Variants in PLCE1 observed in about 807,000 individuals in gnomAD.
The protein encoded by PLCE1 is phospholipase C epsilon 1, also known as 1-phosphatidylinositol 4,5-bisphosphate phosphodiesterase epsilon-1.
PLCE1 carries 119 observed loss-of-function variants against 242.8 expected under a neutral mutation model. The ratio of observed to expected loss-of-function variants is 0.49; its 90% CI spans 0.42 to 0.57. The LOEUF (loss-of-function observed/expected upper bound fraction) is 0.57, where lower values mean the gene tolerates loss of function less well. Ranked by LOEUF, PLCE1 falls within the 20% of genes least tolerant of loss-of-function variation. The pLI is 0.00. For missense variants in PLCE1, 2,441 were observed against 2,788.8 expected, an observed-to-expected ratio of 0.88 and a Z score of 2.81; for synonymous variants, 945 against 1,017.4, an observed-to-expected ratio of 0.93 and a Z score of 1.35.
chr10:94,273,090 A>G (rs2051809207), intron 18 of PLCE1, among the ~76,000 whole-genome samples: 1 of 152,162 alleles, frequency 6.6e-6, no homozygotes, highest in South Asian at 2.1e-4. Flanking sequence ...TCTGCTTTGG[A>G]GATCCATGCT....
intron 2 of PLCE1, among the ~76,000 whole-genome samples, chr10:94,102,051 G>A (rs181878535): frequency 8.9e-4 from 135 of 152,288 alleles, no homozygotes; most frequent in African/African-American, 2.6e-3. Flanking sequence ...GGGGGCAAAT[G>A]GGTTTTTTCT....
chr10:94,090,045 A>G (rs1199616697), intron 2 of PLCE1, among the ~76,000 whole-genome samples: 1 of 152,106 alleles, frequency 6.6e-6, no homozygotes, highest in African/African-American at 2.4e-5. Flanking sequence ...AGTTTATCTG[A>G]GTGGTCATTT....
At chr10:94,296,365 CA>C (rs35526010) in intron 23 of PLCE1, among the ~76,000 whole-genome samples, 12,797 of 89,238 alleles carry the variant, frequency 0.14, 524 homozygotes, top group East Asian at 0.28. Flanking sequence ...GACTCCATCT[CA>C]AAAAAAAAAA....
intron 1 of PLCE1, among the ~76,000 whole-genome samples, chr10:94,025,043 A>C (rs997823412): frequency 3.3e-5 from 5 of 152,052 alleles, no homozygotes; most frequent in Admixed American, 1.3e-4. Context: ...GGAAACAGGC[A>C]GTCAGGTTTC....
chr10:94,262,066 T>C (rs1052670268), intron 13 of PLCE1, among the ~76,000 whole-genome samples: 1 of 149,928 alleles, frequency 6.7e-6, no homozygotes, highest in East Asian at 2.0e-4. Flanking sequence ...AGTGGCGTAA[T>C]CTTGGCTCAC....
chr10:94,027,570 C>T (rs1253195878), intron 1 of PLCE1, among the ~76,000 whole-genome samples: 1 of 152,172 alleles, frequency 6.6e-6, no homozygotes, highest in Non-Finnish European at 1.5e-5. Flanking sequence ...GCCTGTAATT[C>T]CAGCACTTCG....
chr10:94,161,209 GC>G (rs1247664410), intron 3 of PLCE1, among the ~76,000 whole-genome samples: 1 of 152,168 alleles, frequency 6.6e-6, no homozygotes, highest in Admixed American at 6.5e-5. Flanking sequence ...GTTATTGGTA[GC>G]TTGATGGGGA....
chr10:94,145,501 G>T (rs72812702), intron 3 of PLCE1, among the ~76,000 whole-genome samples: 12 of 152,264 alleles, frequency 7.9e-5, no homozygotes, highest in Middle Eastern at 3.4e-3. Flanking sequence ...TCCAAGCCAC[G>T]TGTGTTTTTC....
chr10:94,316,093 G>C (rs1470511615), intron 28 of PLCE1, among the ~76,000 whole-genome samples: 2 of 152,156 alleles, frequency 1.3e-5, no homozygotes, highest in African/African-American at 4.8e-5. Flanking sequence ...ATTTAAAGAA[G>C]AATTCCCAGG....
chr10:94,001,476 G>T (rs967621996), intron 1 of PLCE1, among the ~76,000 whole-genome samples: 2 of 152,186 alleles, frequency 1.3e-5, no homozygotes, highest in Non-Finnish European at 2.9e-5. Flanking sequence ...CAGTAAGGCT[G>T]CTATATGTAG....
intron 3 of PLCE1, among the ~76,000 whole-genome samples, chr10:94,168,201 A>G (rs897330834): frequency 6.6e-6 from 1 of 152,194 alleles, no homozygotes; most frequent in Non-Finnish European, 1.5e-5. Flanking sequence ...AGCAAGGCCC[A>G]GAGGTGAGTT....
chr10:94,020,248 C>T (rs1259641225), intron 1 of PLCE1, among the ~76,000 whole-genome samples: 1 of 152,090 alleles, frequency 6.6e-6, no homozygotes, highest in East Asian at 1.9e-4. Context: ...TCCCTTATGA[C>T]TAATGATGTT....
chr10:94,033,994 G>A (rs1428156414), intron 2 of PLCE1, among the ~76,000 whole-genome samples: 1 of 152,130 alleles, frequency 6.6e-6, no homozygotes. Flanking sequence ...CAGAGAAAAA[G>A]AGGTTCAGTG....
chr10:94,215,139 G>A (rs147750594), intron 4 of PLCE1, among the ~76,000 whole-genome samples: 40 of 152,188 alleles, frequency 2.6e-4, no homozygotes, highest in Middle Eastern at 6.8e-3. Context: ...AGCCTTCTGA[G>A]CCTCTTGGGT....
chr10:94,135,691 G>A (rs2046748828), intron 3 of PLCE1, among the ~76,000 whole-genome samples: 1 of 152,154 alleles, frequency 6.6e-6, no homozygotes, highest in Non-Finnish European at 1.5e-5. Context: ...AAATAAAGAG[G>A]AAAACACTAT....
intron 2 of PLCE1, among the ~76,000 whole-genome samples, chr10:94,043,493 A>G (rs569092694): frequency 6.6e-6 from 1 of 152,316 alleles, no homozygotes; most frequent in South Asian, 2.1e-4. Context: ...ATTTAGCACC[A>G]AATTATAAAT....
In PLCE1 at chr10:94,046,605, C is replaced by T. The variant is rs144993529; in HGVS notation, c.1206+14353C>T. Among the ~76,000 whole-genome samples, 173 of 152,312 alleles carry T rather than the reference C, an allele frequency of 1.1e-3. 1 individual carries two copies. The East Asian group carries it at 0.02, about 18-fold the overall frequency. On this transcript the variant is annotated intron_variant, in intron 2 of 32. Coordinates refer to ENST00000371380, the MANE Select transcript of PLCE1 (RefSeq NM_016341.4). ...GTTGCTCTCAGATCAACTTTCCTGC[C>T]CTGTGCCTGGATGCCAAACACTATT...
rs778834974 is a variant in PLCE1, at chr10:94,245,927, TG to T, written c.2421-17del. 6.2e-7 allele frequency: 1 copy of T among 1,606,650 alleles called. No homozygotes were observed. Among genetic ancestry groups the T allele is most frequent in the African/African-American group, 1.3e-5 (1 of 74,776 alleles). ...CACTTGATTATAAGACAAACCAAAT[TG>T]GTGTTTCTTTCCTTAAGGTTTATAA... On this transcript the variant is annotated intron_variant, in intron 7 of 32. Transcript: ENST00000371380.
In PLCE1 at chr10:94,031,597, G is replaced by A. The variant is rs2061558488; in HGVS notation, c.551G>A (p.Arg184Lys). The A allele has an allele frequency of 1.9e-6, 3 of 1,612,776 alleles. No homozygotes were observed. The change falls in exon 2 of 33, where the codon AGG becomes AAG. Residue 184 changes from arginine (R) to lysine (K), a missense_variant. Transcript: ENST00000371380. ...ETGRAHPDSR[R>K]AVFHFHYEVD... ...GGCAGAGCACACCCTGACAGCAGAA[G>A]GGCAGTATTTCATTTTCATTATGAA...
Sources: allele counts gnomAD v4.1 joint callset (sites outside exome capture counted in the v4.1 genomes callset), GRCh38; gene constraint gnomAD v4.1.1; transcripts MANE v1.5; gene names NCBI Gene and HGNC (gene_info 2026-07-23, HGNC 2026-07-21).